The following MAPRE2 variants were observed in gnomAD, a reference collection of about 807,000 sequenced individuals.
MAPRE2 encodes the protein microtubule associated protein RP/EB family member 2, also known as microtubule-associated protein RP/EB family member 2.
Under a neutral mutation model 43.2 loss-of-function variants are expected in MAPRE2, and 13 were observed. The ratio of observed to expected loss-of-function variants is 0.30; its 90% CI spans 0.20 to 0.48. The LOEUF (loss-of-function observed/expected upper bound fraction) is 0.48. Among genes scored for constraint, MAPRE2 ranks in the 20% least tolerant of loss-of-function variants. MAPRE2 has a pLI of 0.99. For synonymous variants in MAPRE2, 135 were observed against 148.8 expected, an observed-to-expected ratio of 0.91 and a Z score of 0.68; for missense variants, 161 against 400.2, an observed-to-expected ratio of 0.40 and a Z score of 5.10.
intron 2 of MAPRE2, among the ~76,000 whole-genome samples, chr18:35,083,734 G>A (rs1331812856): frequency 2.6e-5 from 4 of 152,162 alleles, no homozygotes; most frequent in African/African-American, 9.7e-5. Context: ...ATGAAACTGA[G>A]CGCTGGCCAC....
chr18:34,980,006 CTTTTCT>C (rs767814243), intron 1 of MAPRE2, among the ~76,000 whole-genome samples: 2 of 140,364 alleles, frequency 1.4e-5, no homozygotes, highest in East Asian at 2.0e-4. Context: ...AATTTCTTTT[CTTTTCT>C]TTTTCTTTTT....
At chr18:35,125,357 A>G (rs1184622936) in intron 4 of MAPRE2, among the ~76,000 whole-genome samples, 1 of 152,240 alleles carries the variant, frequency 6.6e-6, no homozygotes, top group African/African-American at 2.4e-5. Flanking sequence ...TAAACTGTGA[A>G]GTTGGAAATA....
intron 1 of MAPRE2, chr18:34,978,626 C>A: frequency 1.7e-6 from 2 of 1,204,016 alleles, no homozygotes; most frequent in Non-Finnish European, 2.4e-6. Context: ...AGGGGTATGG[C>A]TCTTGGTTAG....
At position 34,982,795 on chromosome 18, in the gene MAPRE2, G is replaced by A. The variant is rs367922662; in HGVS notation, c.-70+5716G>A. 3.1e-3 allele frequency among the ~76,000 whole-genome samples: 474 copies of A among 152,248 alleles called. 1 individual carries two copies. The highest frequency in any genetic ancestry group is 0.011 in the African/African-American group (459 of 41,536). Reference sequence around the variant, plus strand: ...AAACTCACGACTCCATCTGTTTCTAGAATCAGCAAACTATAACCCATTGCT... The same window carrying A: ...AAACTCACGACTCCATCTGTTTCTAAAATCAGCAAACTATAACCCATTGCT... On this transcript the variant is annotated intron_variant, in intron 1 of 7. Coordinates refer to the MAPRE2 transcript ENST00000413393.
At chr18:35,088,802 T>G (rs1268104965) in intron 2 of MAPRE2, among the ~76,000 whole-genome samples, 1 of 152,116 alleles carries the variant, frequency 6.6e-6, no homozygotes, top group Non-Finnish European at 1.5e-5. Flanking sequence ...ATTAAGAGGT[T>G]GAGTAGGATG....
chr18:34,984,477 G>C (rs1036591713), intron 1 of MAPRE2: 3 of 150,332 alleles, frequency 2.0e-5, no homozygotes, highest in Non-Finnish European at 4.4e-5. Flanking sequence ...ATTAACGTAA[G>C]TTTTGAGGTA....
At chr18:35,019,231 A>G (rs1257039406) in intron 2 of MAPRE2, among the ~76,000 whole-genome samples, 1 of 151,886 alleles carries the variant, frequency 6.6e-6, no homozygotes, top group Non-Finnish European at 1.5e-5. Flanking sequence ...ATTTATTGAG[A>G]CACTTTATGG....
At chr18:35,129,872 A>C (rs1162288456) in intron 5 of MAPRE2, among the ~76,000 whole-genome samples, 1 of 152,248 alleles carries the variant, frequency 6.6e-6, no homozygotes, top group Non-Finnish European at 1.5e-5. Flanking sequence ...AAGAGGGATG[A>C]GGCTGGCATT....
upstream of MAPRE2, among the ~76,000 whole-genome samples, chr18:35,037,910 TG>T (rs1164728558): frequency 2.0e-5 from 3 of 152,140 alleles, no homozygotes; most frequent in African/African-American, 7.2e-5. Flanking sequence ...ACAACAGGGT[TG>T]GGAGAGTAGG....
rs771388804 is a variant in MAPRE2 at position 35,140,691 on chromosome 18, C to T, written c.*322C>T. On this transcript the variant is annotated 3_prime_UTR_variant, in exon 7 of 7. Transcript: ENST00000300249. ...CTCTTTCCCACCCCAACACCACTGC[C>T]ACCACCCCTCTTTTTATCCTGGTGT... 92 of 315,668 alleles carry T rather than the reference C, an allele frequency of 2.9e-4. No homozygotes were observed. Among genetic ancestry groups the T allele is most frequent in the Middle Eastern group, 1.7e-3 (2 of 1,172 alleles). 19.6% of individuals were successfully genotyped at this position (315,668 alleles called of 1,614,324 possible).
chr18:35,042,648 C>A (rs1190638862), intron 1 of MAPRE2, among the ~76,000 whole-genome samples: 1 of 152,166 alleles, frequency 6.6e-6, no homozygotes, highest in Admixed American at 6.5e-5. Flanking sequence ...CTCTGAAGTT[C>A]TTTTGTACTG....
At chr18:34,990,413 G>A (rs1317516798) in intron 1 of MAPRE2, among the ~76,000 whole-genome samples, 8 of 152,110 alleles carry the variant, frequency 5.3e-5, no homozygotes, top group African/African-American at 1.7e-4. Context: ...GACAGGAGAG[G>A]GTAAGGAACA....
At chr18:35,015,633 AGTGTGTGTGTGTGT>A (rs3082290) in intron 2 of MAPRE2, among the ~76,000 whole-genome samples, 19 of 134,894 alleles carry the variant, frequency 1.4e-4, no homozygotes, top group Admixed American at 5.1e-4. Flanking sequence ...TAGGGATGGC[AGTGTGTGTGTGTGT>A]GTGTGTGTGT....
chr18:35,016,472 C>T (rs558825413), intron 2 of MAPRE2, among the ~76,000 whole-genome samples: 28 of 151,980 alleles, frequency 1.8e-4, no homozygotes, highest in Middle Eastern at 3.4e-3. Flanking sequence ...CAGCATCTGT[C>T]GTTGGTTAAC....
chr18:34,988,727 G>C (rs2097022290), intron 1 of MAPRE2: 2 of 152,184 alleles, frequency 1.3e-5, no homozygotes, highest in Non-Finnish European at 1.5e-5. Context: ...GTCCACGTCA[G>C]CCACACACTC....
In MAPRE2 at chr18:35,140,968, C is replaced by G. The variant is rs1338242207; in HGVS notation, c.*599C>G. The G allele has an allele frequency of 2.0e-5, 3 of 152,322 alleles. No individual in the cohort carries two copies. Among genetic ancestry groups the G allele is most frequent in the African/African-American group, 4.8e-5 (2 of 41,428 alleles). The allele number at this position is 152,322 out of a possible 1,614,324, so 9.4% of individuals were successfully genotyped here. A position where few individuals can be genotyped will look rare whatever the true frequency, so the allele number is the denominator to read the frequency against. ...CAATACTAAAGGGAAAAAATGGATT[C>G]AAAGCTAGGATTTCAGGGCCCAGCA... On this transcript the variant is annotated 3_prime_UTR_variant, in exon 7 of 7. Coordinates refer to ENST00000300249, the MANE Select transcript of MAPRE2 (RefSeq NM_014268.4).
intron 1 of MAPRE2, among the ~76,000 whole-genome samples, chr18:35,069,228 A>G (rs1356581946): frequency 6.6e-6 from 1 of 152,222 alleles, no homozygotes; most frequent in Non-Finnish European, 1.5e-5. Context: ...GAAACTTTAT[A>G]AAGAAATTTA....
At chr18:35,118,768 C>A (rs1909532951) in intron 4 of MAPRE2, among the ~76,000 whole-genome samples, 1 of 152,166 alleles carries the variant, frequency 6.6e-6, no homozygotes, top group Non-Finnish European at 1.5e-5. Flanking sequence ...ACATCTCTGA[C>A]CTTCTGTCTA....
chr18:35,136,309 G>C (rs1258516385), intron 6 of MAPRE2, among the ~76,000 whole-genome samples: 1 of 152,164 alleles, frequency 6.6e-6, no homozygotes, highest in East Asian at 1.9e-4. Flanking sequence ...GTTTCCTGCA[G>C]GGACAGGCTG....
Sources: gnomAD v4.1 joint callset for allele counts (sites outside exome capture counted in the v4.1 genomes callset) on GRCh38, gnomAD v4.1.1 for gene constraint, MANE v1.5 for transcripts, NCBI Gene and HGNC (gene_info 2026-07-23, HGNC 2026-07-21) for gene names.